SPTBN1: variants seen among roughly 807,000 people sequenced by gnomAD.
SPTBN1 encodes the protein spectrin beta, non-erythrocytic 1.
Under a neutral mutation model 266.4 loss-of-function variants are expected in SPTBN1, and 32 were observed. The observed-to-expected ratio is 0.12, with a 90% CI of 0.09 to 0.16. The LOEUF (loss-of-function observed/expected upper bound fraction) is 0.16, where lower values mean the gene tolerates loss of function less well. Ranked by LOEUF, SPTBN1 falls within the 10% of genes least tolerant of loss-of-function variation. The pLI, the probability that SPTBN1 is intolerant of heterozygous loss-of-function variation, is 1.00. For missense variants in SPTBN1, 2,296 were observed against 3,067.1 expected, an observed-to-expected ratio of 0.75 and a Z score of 5.94; for synonymous variants, 1,336 against 1,162.2, an observed-to-expected ratio of 1.15 and a Z score of -3.04.
At chr2:54,460,957 G>A (rs1232678699) in intron 1 of SPTBN1, among the ~76,000 whole-genome samples, 2 of 152,158 alleles carry the variant, frequency 1.3e-5, no homozygotes, top group Non-Finnish European at 2.9e-5. Context: ...AGCCGAGATC[G>A]CGCCACTGCA....
At chr2:54,602,663 T>C (rs1676576133) in intron 3 of SPTBN1, among the ~76,000 whole-genome samples, 1 of 152,222 alleles carries the variant, frequency 6.6e-6, no homozygotes, top group Admixed American at 6.5e-5. Flanking sequence ...TTTCCTGATC[T>C]GTATTCTGTC....
At chr2:54,482,149 A>C (rs1372219684) in intron 1 of SPTBN1, among the ~76,000 whole-genome samples, 1 of 152,088 alleles carries the variant, frequency 6.6e-6, no homozygotes, top group Non-Finnish European at 1.5e-5. Context: ...TTAATGGTAG[A>C]CATTTTCACA....
intron 1 of SPTBN1, among the ~76,000 whole-genome samples, chr2:54,481,967 C>T (rs551230369): frequency 5.7e-4 from 87 of 152,268 alleles, no homozygotes; most frequent in African/African-American, 2.0e-3. Context: ...TCTTTTCCTC[C>T]GCATGGCTTC....
At chr2:54,545,240 T>C (rs1191424472) in intron 2 of SPTBN1, 1 of 152,182 alleles carries the variant, frequency 6.6e-6, no homozygotes, top group Non-Finnish European at 1.5e-5. Flanking sequence ...TAAACATACG[T>C]GTGCATGTGT....
In SPTBN1 at chr2:54,626,299, C is replaced by G. The variant is rs1049781131; in HGVS notation, c.1644+65C>G. 6 of 1,531,212 alleles carry G rather than the reference C, an allele frequency of 3.9e-6. No homozygotes were observed. The highest frequency in any genetic ancestry group is 5.3e-6 in the Non-Finnish European group (6 of 1,135,642). The allele number at this position is 1,531,212 out of a possible 1,614,324, so 94.9% of individuals were successfully genotyped here. A position where few individuals can be genotyped will look rare whatever the true frequency, so the allele number is the denominator to read the frequency against. ...AACCAGGGCTCTCTTTTCTGTGACT[C>G]ATTCACTAAACCCCTACGTACAGCT... On this transcript the variant is annotated intron_variant, in intron 12 of 35. Coordinates refer to ENST00000356805, the MANE Select transcript of SPTBN1 (RefSeq NM_003128.3). The surrounding 1 kb of genome is among the most constrained non-coding windows in gnomAD (Gnocchi z 4.7).
At chr2:54,610,118 G>A (rs1163239413) in intron 3 of SPTBN1, among the ~76,000 whole-genome samples, 1 of 134,488 alleles carries the variant, frequency 7.4e-6, no homozygotes, top group Non-Finnish European at 1.6e-5. Context: ...GAACTCATCT[G>A]CTGCCTCTTG....
intron 1 of SPTBN1, among the ~76,000 whole-genome samples, chr2:54,517,186 T>A (rs985485441): frequency 7.2e-5 from 11 of 151,912 alleles, no homozygotes; most frequent in African/African-American, 2.4e-4. Context: ...TGAAAGAGAT[T>A]TTCAGGCAAC....
chr2:54,529,428 T>C (rs781760841), intron 2 of SPTBN1: 2 of 705,018 alleles, frequency 2.8e-6, no homozygotes, highest in South Asian at 1.4e-5. Flanking sequence ...AAGAAGGTAG[T>C]GTTGAAAGGT....
intron 19 of SPTBN1, among the ~76,000 whole-genome samples, chr2:54,643,692 A>C (rs1371964942): frequency 6.6e-6 from 1 of 152,132 alleles, no homozygotes; most frequent in East Asian, 1.9e-4. Context: ...CACGGTTAAA[A>C]TAATGTGTTG....
chr2:54,602,873 T>C (rs1285007011), intron 3 of SPTBN1, among the ~76,000 whole-genome samples: 1 of 152,216 alleles, frequency 6.6e-6, no homozygotes, highest in Non-Finnish European at 1.5e-5. Flanking sequence ...AGCCTTTGTT[T>C]AAGAGAACCA....
intron 2 of SPTBN1, among the ~76,000 whole-genome samples, chr2:54,553,070 G>A (rs1672671851): frequency 6.6e-6 from 1 of 152,230 alleles, no homozygotes; most frequent in African/African-American, 2.4e-5. Context: ...CTTTTGGGGG[G>A]AAAAGGAGGC....
chr2:54,466,098 G>A (rs1375963017), intron 1 of SPTBN1, among the ~76,000 whole-genome samples: 1 of 152,176 alleles, frequency 6.6e-6, no homozygotes, highest in South Asian at 2.1e-4. Flanking sequence ...AACTGTGACA[G>A]TAAACATCTG....
At chr2:54,660,065 C>A (rs1558480380) in intron 32 of SPTBN1, 66 bp downstream of exon 32, 5 of 1,614,128 alleles carry the variant, frequency 3.1e-6, no homozygotes, top group Non-Finnish European at 3.4e-6. Flanking sequence ...CAGCCAGTGA[C>A]CAGCCATGGT....
chr2:54,481,531 T>TA lies in SPTBN1; in HGVS notation c.-48+25015dup, dbSNP rs537924972. 1.6e-4 allele frequency among the ~76,000 whole-genome samples: 25 copies of TA among 152,208 alleles called. No homozygotes were observed. The East Asian group carries it at 4.4e-3, about 27-fold the overall frequency. On this transcript the variant is annotated intron_variant, in intron 1 of 35. Coordinates refer to ENST00000356805, the MANE Select transcript of SPTBN1 (RefSeq NM_003128.3). ...TCCCTGAGGAAAAGCTTCACCAGAT[T>TA]AATGATACACTTGGTGAAATTAGTA...
At position 54,558,158 on chromosome 2, in the gene SPTBN1, G is replaced by A; in HGVS notation, c.148+31592G>A. On this transcript the variant is annotated intron_variant, in intron 2 of 35. Transcript: ENST00000356805. This position sits in a 1 kb window ranked among gnomAD's most constrained non-coding sequence, Gnocchi z 4.6. The stretch of plus-strand genomic sequence containing the variant: ...CTGTTTGGGAAGGCACTACCGCGGC[G>A]AGTCCAGGGCCCGGCCGGGGGTCGG... 1.0e-6 allele frequency: 1 copy of A among 985,382 alleles called. No individual in the cohort carries two copies. The highest frequency in any genetic ancestry group is 1.2e-6 in the Non-Finnish European group (1 of 829,912). 61.0% of individuals were successfully genotyped at this position (985,382 alleles called of 1,614,324 possible). A position where few individuals can be genotyped will look rare whatever the true frequency, so the allele number is the denominator to read the frequency against.
chr2:54,606,674 A>T (rs1039197561), intron 3 of SPTBN1, among the ~76,000 whole-genome samples: 5 of 152,234 alleles, frequency 3.3e-5, no homozygotes, highest in Admixed American at 2.6e-4. Context: ...CTGATCCAGG[A>T]GACAAAAGGA....
chr2:54,582,370 GTCAGGCA>G (rs1674989849), intron 2 of SPTBN1, among the ~76,000 whole-genome samples: 1 of 152,034 alleles, frequency 6.6e-6, no homozygotes, highest in African/African-American at 2.4e-5. Context: ...CCTCCCAGGT[GTCAGGCA>G]GGGGAGAGAA....
rs1381615524 is a variant in SPTBN1 at position 54,589,183 on chromosome 2, G to A, written c.149-9909G>A. On this transcript the variant is annotated intron_variant, in intron 2 of 35. Coordinates refer to ENST00000356805, the MANE Select transcript of SPTBN1 (RefSeq NM_003128.3). ...TCATCTTAGAAGAGGTAGTTGTGTT[G>A]CTTTGCCTCTTATTTTCGGAGAAAG... 2.0e-5 allele frequency among the ~76,000 whole-genome samples: 3 copies of A among 152,146 alleles called. No individual in the cohort carries two copies. The East Asian group carries it at 5.8e-4, about 29-fold the overall frequency.
At chr2:54,636,187 T>A (rs549300132) in intron 17 of SPTBN1, among the ~76,000 whole-genome samples, 14 of 152,318 alleles carry the variant, frequency 9.2e-5, no homozygotes, top group African/African-American at 3.4e-4. Context: ...TATAATTATT[T>A]TTCTACGTTT....
Sources: gnomAD v4.1 joint callset for allele counts (sites outside exome capture counted in the v4.1 genomes callset) on GRCh38, gnomAD v4.1.1 for gene constraint, Gnocchi (gnomAD v3.1) non-coding constraint, MANE v1.5 for transcripts, NCBI Gene and HGNC (gene_info 2026-07-23, HGNC 2026-07-21) for gene names.